RAB4B: variants seen among roughly 807,000 people sequenced by gnomAD.
The protein encoded by RAB4B is ras-related protein Rab-4B.
Under a neutral mutation model 28.3 loss-of-function variants are expected in RAB4B, and 15 were observed. That is an observed-to-expected ratio of 0.53 (90% confidence interval 0.35 to 0.82). The LOEUF (loss-of-function observed/expected upper bound fraction) is 0.82, where lower values mean the gene tolerates loss of function less well. Ranked by LOEUF, RAB4B falls within the 40% of genes least tolerant of loss-of-function variation. RAB4B has a pLI of 0.01. For missense variants in RAB4B, 244 were observed against 288.5 expected (o/e 0.85, Z 1.12); for synonymous variants, 108 against 116.3 (o/e 0.93, Z 0.46).
intron 7 of RAB4B, among the ~76,000 whole-genome samples, chr19:40,787,271 A>AT (rs1235077856): frequency 1.3e-5 from 2 of 151,994 alleles, no homozygotes; most frequent in East Asian, 3.9e-4. Context: ...TCGGTGGCTT[A>AT]TGCCTGTAAT....
chr19:40,785,414 G>C (rs755389684), intron 5 of RAB4B: 2 of 151,734 alleles, frequency 1.3e-5, no homozygotes, highest in Non-Finnish European at 2.9e-5. Flanking sequence ...AGGAGGTTGA[G>C]GCAGGAGGAT....
At chr19:40,784,864 G>A (rs1017663497) in intron 5 of RAB4B, among the ~76,000 whole-genome samples, 5 of 148,658 alleles carry the variant, frequency 3.4e-5, no homozygotes, top group Admixed American at 1.3e-4. Flanking sequence ...TTTCTGAGAC[G>A]GAGTCTTGTT....
Position 40,786,928 on chromosome 19 carries a change from G to A in RAB4B, c.607G>A (p.Ala203Thr), listed in dbSNP as rs1167316790. The A allele has an allele frequency of 1.2e-6, 2 of 1,614,052 alleles. No homozygotes were observed. Among genetic ancestry groups the A allele is most frequent in the Non-Finnish European group, 1.7e-6 (2 of 1,179,962 alleles). ...SLRQLRQPRS[A>T]QAVAPQPCGC Reference sequence around the variant, plus strand: ...CCGCCAGCTTCGGCAGCCTCGGAGTGCCCAGGCCGTGGCCCCTCAGCCGTG... The same window carrying A: ...CCGCCAGCTTCGGCAGCCTCGGAGTACCCAGGCCGTGGCCCCTCAGCCGTG... The change falls in exon 7 of 8, where the codon GCC becomes ACC. Residue 203 changes from alanine to threonine, a missense_variant. Transcript: ENST00000357052.
At chr19:40,787,989 A>T (rs1361176191) in intron 7 of RAB4B, among the ~76,000 whole-genome samples, 2 of 139,550 alleles carry the variant, frequency 1.4e-5, no homozygotes, top group Non-Finnish European at 3.1e-5. Context: ...AAAAAAAAAG[A>T]GACATCTGCC....
At position 40,778,433 on chromosome 19, in the gene RAB4B, A is replaced by T. The variant is rs374030623; in HGVS notation, c.16+42A>T. On this transcript the variant is annotated intron_variant, in intron 1 of 7. Transcript: ENST00000357052. The stretch of plus-strand genomic sequence containing the variant: ...AAGCTGGGGTCCTGGGTCTGGGCCC[A>T]GGGAGGATGCGGCCTGTGGGAATGG... 7.2e-5 allele frequency: 102 copies of T among 1,417,860 alleles called. 2 individuals carry two copies. The South Asian group carries it at 1.2e-3, about 17-fold the overall frequency. 87.8% of individuals were successfully genotyped at this position (1,417,860 alleles called of 1,614,324 possible). A position where few individuals can be genotyped will look rare whatever the true frequency, so the allele number is the denominator to read the frequency against.
At chr19:40,791,686 TG>T (rs1195103819) in intron 7 of RAB4B, among the ~76,000 whole-genome samples, 2 of 151,934 alleles carry the variant, frequency 1.3e-5, no homozygotes, top group Admixed American at 1.3e-4. Context: ...CAGGCTGGAG[TG>T]CAGTGGCGTG....
chr19:40,781,460 A>G (rs2083047190), intron 3 of RAB4B, among the ~76,000 whole-genome samples: 1 of 151,982 alleles, frequency 6.6e-6, no homozygotes, highest in Non-Finnish European at 1.5e-5. Flanking sequence ...CGGGAAGGCA[A>G]GGGTGAGCAT....
chr19:40,787,553 A>G (rs997310930), intron 7 of RAB4B, among the ~76,000 whole-genome samples: 4 of 149,826 alleles, frequency 2.7e-5, no homozygotes. Context: ...AAAAAGAAAG[A>G]AAGGTCAGGA....
intron 3 of RAB4B, 38 bp from the exon 4 acceptor site, chr19:40,783,740 C>A: frequency 6.6e-7 from 1 of 1,521,174 alleles, no homozygotes; most frequent in East Asian, 2.3e-5. Context: ...GGGGCAGACC[C>A]CAGCCTTGGG....
intron 7 of RAB4B, chr19:40,794,471 C>G (rs976913636): frequency 4.1e-5 from 6 of 148,030 alleles, no homozygotes; most frequent in African/African-American, 1.5e-4. Flanking sequence ...CCCAAGTGAT[C>G]CTCTCTTGCC....
At chr19:40,784,420 G>C (rs2083079006) in intron 5 of RAB4B, among the ~76,000 whole-genome samples, 1 of 152,186 alleles carries the variant, frequency 6.6e-6, no homozygotes, top group African/African-American at 2.4e-5. Flanking sequence ...CTGAGCCTGA[G>C]AGTTTAAGAC....
In RAB4B at chr19:40,778,737, T is replaced by C. The variant is rs137915151; in HGVS notation, c.16+346T>C. 4.2e-3 allele frequency among the ~76,000 whole-genome samples: 635 copies of C among 152,074 alleles called. 4 individuals are homozygous for C. Among genetic ancestry groups the C allele is most frequent in the Middle Eastern group, 6.8e-3 (2 of 294 alleles). On this transcript the variant is annotated intron_variant, in intron 1 of 7. Coordinates refer to ENST00000357052, the MANE Select transcript of RAB4B (RefSeq NM_016154.5). ...GCATGAATGGCAGGAGTCGGGCTTATGGGCTAGAGGGAACACTGAATGGAA... is the reference window on the plus strand; with the variant it reads ...GCATGAATGGCAGGAGTCGGGCTTACGGGCTAGAGGGAACACTGAATGGAA...
At chr19:40,788,222 C>T (rs959266861) in intron 7 of RAB4B, among the ~76,000 whole-genome samples, 3 of 152,000 alleles carry the variant, frequency 2.0e-5, no homozygotes, top group Admixed American at 6.6e-5. Flanking sequence ...GTCGACTGGG[C>T]GCAGTGGCTC....
At chr19:40,778,512 A>C in intron 1 of RAB4B, 121 bp downstream of exon 1, 1 of 1,041,238 alleles carries the variant, frequency 9.6e-7, no homozygotes, top group Non-Finnish European at 1.3e-6. Flanking sequence ...GCAGGACCTA[A>C]GTGGATGCTG....
chr19:40,778,426 T>TGGGCCC (rs1231530227), intron 1 of RAB4B, 35 bp downstream of exon 1: 6 of 1,433,518 alleles, frequency 4.2e-6, no homozygotes, highest in Middle Eastern at 1.8e-4. Flanking sequence ...GTCCTGGGTC[T>TGGGCCC]GGGCCCAGGG....
At chr19:40,795,934 C>T (rs918858038) in intron 7 of RAB4B, among the ~76,000 whole-genome samples, 4 of 151,634 alleles carry the variant, frequency 2.6e-5, no homozygotes, top group Admixed American at 6.6e-5. Flanking sequence ...CTGGAACTCC[C>T]GACTTCAGGT....
chr19:40,788,853 G>A (rs1320268118), intron 7 of RAB4B, among the ~76,000 whole-genome samples: 1 of 140,694 alleles, frequency 7.1e-6, no homozygotes, highest in Non-Finnish European at 1.5e-5. Flanking sequence ...GCAGTGGCAC[G>A]ATCTTGGTTC....
intron 7 of RAB4B, chr19:40,792,204 CTT>C (rs1441612739): frequency 1.3e-5 from 2 of 152,238 alleles, no homozygotes; most frequent in Admixed American, 6.5e-5. Context: ...ACAGTGCTCT[CTT>C]GTCTTTCCAG....
intron 3 of RAB4B, among the ~76,000 whole-genome samples, chr19:40,782,954 C>T (rs1290706420): frequency 6.6e-6 from 1 of 152,080 alleles, no homozygotes. Flanking sequence ...GACTGGCCAA[C>T]ATGGCCAACC....
Sources: allele counts gnomAD v4.1 joint callset (sites outside exome capture counted in the v4.1 genomes callset), GRCh38; gene constraint gnomAD v4.1.1; transcripts MANE v1.5; gene names NCBI Gene and HGNC (gene_info 2026-07-23, HGNC 2026-07-21).